LAMA4: variants seen among roughly 807,000 people sequenced by gnomAD.
LAMA4 encodes the protein laminin subunit alpha 4.
A neutral mutation model predicts 207.1 loss-of-function variants in LAMA4; 127 were observed. That is an observed-to-expected ratio of 0.61 (90% confidence interval 0.53 to 0.71). The LOEUF is 0.71. Ranked by LOEUF, LAMA4 falls within the 30% of genes least tolerant of loss-of-function variation. The pLI is 0.00. For missense variants in LAMA4, 2,093 were observed against 2,246.5 expected (o/e 0.93, Z 1.38); for synonymous variants, 761 against 816.0 (o/e 0.93, Z 1.15).
intron 2 of LAMA4, among the ~76,000 whole-genome samples, chr6:112,249,056 G>T (rs540565987): frequency 6.6e-6 from 1 of 152,292 alleles, no homozygotes; most frequent in East Asian, 1.9e-4. Context: ...GCTAGACGGA[G>T]AAGGGAAGTT....
At chr6:112,192,638 C>T (rs140715322) in intron 5 of LAMA4, among the ~76,000 whole-genome samples, 2,088 of 152,302 alleles carry the variant, frequency 0.014, 32 homozygotes, top group Middle Eastern at 0.051. Context: ...GCTGGCTGGG[C>T]CTTTGATGAG....
intron 9 of LAMA4, among the ~76,000 whole-genome samples, chr6:112,183,914 G>GCACT (rs1298540044): frequency 7.6e-6 from 1 of 131,790 alleles, no homozygotes; most frequent in Non-Finnish European, 1.5e-5. Flanking sequence ...TCACGCCACT[G>GCACT]CACTCCAGCC....
intron 4 of LAMA4, among the ~76,000 whole-genome samples, chr6:112,204,510 A>C (rs1583883562): frequency 6.6e-6 from 1 of 151,622 alleles, no homozygotes; most frequent in Admixed American, 6.6e-5. Flanking sequence ...CTCGACGCCT[A>C]TAAACCTTTT....
At position 112,215,928 on chromosome 6, in the gene LAMA4, T is replaced by A. The variant is rs372165763; in HGVS notation, c.297+440A>T. On this transcript the variant is annotated intron_variant, in intron 3 of 38. Coordinates refer to ENST00000230538, the MANE Select transcript of LAMA4 (RefSeq NM_001105206.3). Reference sequence around the variant, plus strand: ...AAACTTAAATTTCTTTTTTAAAAACTAATTTTGATCTATAGACCTGGTTAT... The same window carrying A: ...AAACTTAAATTTCTTTTTTAAAAACAAATTTTGATCTATAGACCTGGTTAT... Among the ~76,000 whole-genome samples, 12 of 152,346 alleles carry A rather than the reference T, an allele frequency of 7.9e-5. No individual in the cohort carries two copies. In the East Asian group the frequency reaches 1.3e-3, roughly 17 times the overall value.
intron 4 of LAMA4, among the ~76,000 whole-genome samples, chr6:112,204,447 TTGCC>T (rs1160542591): frequency 6.6e-6 from 1 of 151,308 alleles, no homozygotes; most frequent in Non-Finnish European, 1.5e-5. Context: ...CCATCTGAGA[TTGCC>T]TGCCTAATTC....
At chr6:112,144,634 A>C (rs1779905890) in intron 19 of LAMA4, among the ~76,000 whole-genome samples, 160 bp downstream of exon 19, 1 of 152,206 alleles carries the variant, frequency 6.6e-6, no homozygotes, top group Non-Finnish European at 1.5e-5. Context: ...TTTCGTTTTC[A>C]GTGTTCCTCA....
rs891237130 is a variant in LAMA4 at position 112,197,836 on chromosome 6, T to C, written c.503+3772A>G. ...ACTTGACCTCCAATTGTCTGTAATGTGTCATTGACAGACTGTCACCTCTGT... is the reference window on the plus strand; with the variant it reads ...ACTTGACCTCCAATTGTCTGTAATGCGTCATTGACAGACTGTCACCTCTGT... On this transcript the variant is annotated intron_variant, in intron 5 of 38. Coordinates refer to ENST00000230538, the MANE Select transcript of LAMA4 (RefSeq NM_001105206.3). 3.3e-5 allele frequency among the ~76,000 whole-genome samples: 5 copies of C among 152,234 alleles called. No homozygotes were observed. In the South Asian group the frequency reaches 6.2e-4, roughly 19 times the overall value.
intron 32 of LAMA4, 76 bp downstream of exon 32, chr6:112,121,938 A>T (rs1778385338): frequency 7.5e-7 from 1 of 1,342,206 alleles, no homozygotes; most frequent in Non-Finnish European, 1.1e-6. Context: ...GATGGGAAAA[A>T]ACGATGACAT....
chr6:112,190,922 T>TCTTTCTTTCTTTCTTTC (rs1783019972), intron 6 of LAMA4, among the ~76,000 whole-genome samples: 1 of 97,988 alleles, frequency 1.0e-5, no homozygotes, highest in African/African-American at 4.1e-5. Flanking sequence ...TTTCTTTCTT[T>TCTTTCTTTCTTTCTTTC]CTTTCTTTCT....
At chr6:112,129,475 T>C (rs1400596414) in intron 30 of LAMA4, among the ~76,000 whole-genome samples, 1 of 152,320 alleles carries the variant, frequency 6.6e-6, no homozygotes, top group East Asian at 1.9e-4. Flanking sequence ...ATTAAGAGTT[T>C]TGTAAACCTC....
chr6:112,203,314 G>A lies in LAMA4; in HGVS notation c.423-1626C>T, dbSNP rs977260894. 2.0e-5 allele frequency among the ~76,000 whole-genome samples: 3 copies of A among 152,154 alleles called. No homozygotes were observed. In the East Asian group the frequency reaches 5.8e-4, roughly 29 times the overall value. On this transcript the variant is annotated intron_variant, in intron 4 of 38. Transcript: ENST00000230538. ...CCCTTTGTTTGCTTAATCCCCTGAAGCATTATTTCCTTGCTTTCTTGTAAC... is the reference window on the plus strand; with the variant it reads ...CCCTTTGTTTGCTTAATCCCCTGAAACATTATTTCCTTGCTTTCTTGTAAC...
At position 112,114,090 on chromosome 6, in the gene LAMA4, A is replaced by G. The variant is rs1562621503; in HGVS notation, c.5312T>C (p.Val1771Ala). Residue 1771 changes from valine (V) to alanine (A), a missense_variant, in exon 38 of 39, where the codon GTT becomes GCT. This residue lies in a region of LAMA4 where 383 missense variants were observed against 437.8 expected (regional missense o/e 0.87). Coordinates refer to ENST00000230538, the MANE Select transcript of LAMA4 (RefSeq NM_001105206.3). ...KPIDHREPVF[V>A]GGVPESLLTP... is the part of the protein sequence containing the mutation. ...ACAACACTTACCTGGAACACCTCCA[A>G]CAAACACAGGCTCCCTGTGATCAAT... is the stretch of plus-strand genomic sequence containing the variant. 2.5e-6 allele frequency: 4 copies of G among 1,613,984 alleles called. No individual in the cohort carries two copies. The highest frequency in any genetic ancestry group is 1.7e-5 in the Admixed American group (1 of 59,992).
intron 2 of LAMA4, among the ~76,000 whole-genome samples, chr6:112,230,016 C>T (rs372058300): frequency 1.8e-4 from 28 of 151,792 alleles, no homozygotes; most frequent in African/African-American, 6.0e-4. Flanking sequence ...TCTTATGCTT[C>T]TAATAGCTCT....
intron 36 of LAMA4, 39 bp from the exon 37 acceptor site, chr6:112,114,795 C>T: frequency 7.2e-7 from 1 of 1,380,416 alleles, no homozygotes; most frequent in South Asian, 1.2e-5. Context: ...TTAGTTTGTC[C>T]TCATTGTGAT....
At chr6:112,203,313 A>G (rs968568775) in intron 4 of LAMA4, among the ~76,000 whole-genome samples, 2 of 152,144 alleles carry the variant, frequency 1.3e-5, no homozygotes, top group Non-Finnish European at 2.9e-5. Flanking sequence ...AATCCCCTGA[A>G]GCATTATTTC....
Position 112,172,734 on chromosome 6 carries a change from C to T in LAMA4, c.1428G>A (p.Glu476=). The T allele has an allele frequency of 1.2e-6, 2 of 1,614,060 alleles. No individual in the cohort carries two copies. Among genetic ancestry groups the T allele is most frequent in the Non-Finnish European group, 1.7e-6 (2 of 1,179,986 alleles). Residue 476 remains glutamate (E), a synonymous_variant, in exon 12 of 39, where the codon GAG becomes GAA. Transcript: ENST00000230538. ...ETRTLFPVVL[E]QLDDYNAKLS... ...ACTTAGCATTGTAGTCATCCAGCTGCTCCAGGACGACAGGAAACAGAGTGC... is the reference window on the plus strand; with the variant it reads ...ACTTAGCATTGTAGTCATCCAGCTGTTCCAGGACGACAGGAAACAGAGTGC...
intron 38 of LAMA4, among the ~76,000 whole-genome samples, chr6:112,111,632 T>C (rs1777701557): frequency 6.6e-6 from 1 of 152,248 alleles, no homozygotes; most frequent in Admixed American, 6.5e-5. Context: ...TCTTAAAGTA[T>C]AGTTGCTTTT....
chr6:112,129,849 G>T (rs1443690832), intron 30 of LAMA4, 27 bp downstream of exon 30: 2 of 1,481,886 alleles, frequency 1.3e-6, no homozygotes, highest in African/African-American at 2.8e-5. Flanking sequence ...CAATCATGCA[G>T]ATTCATTAAT....
chr6:112,184,639 G>A (rs1457713119), intron 9 of LAMA4, among the ~76,000 whole-genome samples: 1 of 151,826 alleles, frequency 6.6e-6, no homozygotes, highest in Non-Finnish European at 1.5e-5. Context: ...TCTTTATGTT[G>A]TATTTAAGTG....
Sources: gnomAD v4.1 joint callset for allele counts (sites outside exome capture counted in the v4.1 genomes callset) on GRCh38, gnomAD v4.1.1 for gene constraint, gnomAD v4.1.1 regional missense constraint, MANE v1.5 for transcripts, NCBI Gene and HGNC (gene_info 2026-07-23, HGNC 2026-07-21) for gene names.